The following CNTNAP2 variants were observed in gnomAD, a reference collection of about 807,000 sequenced individuals.
CNTNAP2 encodes the protein contactin associated protein 2.
A neutral mutation model predicts 155.2 loss-of-function variants in CNTNAP2; 98 were observed. That is an observed-to-expected ratio of 0.63 (90% confidence interval 0.54 to 0.75). The LOEUF (loss-of-function observed/expected upper bound fraction) is 0.75, where lower values mean the gene tolerates loss of function less well. Ranked by LOEUF, CNTNAP2 falls within the 30% of genes least tolerant of loss-of-function variation. CNTNAP2 has a pLI of 0.00. For missense variants in CNTNAP2, 1,727 were observed against 1,688.1 expected (o/e 1.02, Z -0.40); for synonymous variants, 651 against 631.2 (o/e 1.03, Z -0.47).
intron 13 of CNTNAP2, among the ~76,000 whole-genome samples, chr7:147,697,043 T>A (rs1796170900): frequency 6.6e-6 from 1 of 152,204 alleles, no homozygotes; most frequent in African/African-American, 2.4e-5. Flanking sequence ...TGTAGTTTGA[T>A]GTCTGCAATA....
chr7:148,231,978 G>A (rs1256878802), intron 20 of CNTNAP2, among the ~76,000 whole-genome samples: 3 of 152,170 alleles, frequency 2.0e-5, no homozygotes, highest in African/African-American at 7.2e-5. Flanking sequence ...TTCCGCCCTA[G>A]GTTCTGCACC....
rs140158937 is a variant in CNTNAP2 at position 147,353,211 on chromosome 7, C to T, written c.1499-42398C>T. 8.7e-3 allele frequency among the ~76,000 whole-genome samples: 1,316 copies of T among 151,508 alleles called. 22 individuals carry two copies. The highest frequency in any genetic ancestry group is 0.031 in the African/African-American group (1,262 of 41,076). ...ATGTTCAGAACGTGCAGTTTTGTTA[C>T]ATAGGTATACACGTGCCATGGTCGT... On this transcript the variant is annotated intron_variant, in intron 9 of 23. Coordinates refer to ENST00000361727, the MANE Select transcript of CNTNAP2 (RefSeq NM_014141.6).
chr7:146,462,697 A>G (rs1796655866), intron 1 of CNTNAP2, among the ~76,000 whole-genome samples: 1 of 152,206 alleles, frequency 6.6e-6, no homozygotes, highest in African/African-American at 2.4e-5. Flanking sequence ...GTCAAAATAT[A>G]TCATTATTAC....
chr7:147,911,105 A>T (rs926565170), intron 14 of CNTNAP2, among the ~76,000 whole-genome samples: 1 of 152,190 alleles, frequency 6.6e-6, no homozygotes, highest in Non-Finnish European at 1.5e-5. Flanking sequence ...CCCATTGAAC[A>T]GTAATTCCCC....
At chr7:148,178,494 C>A (rs1794983818) in intron 18 of CNTNAP2, among the ~76,000 whole-genome samples, 1 of 152,168 alleles carries the variant, frequency 6.6e-6, no homozygotes, top group African/African-American at 2.4e-5. Context: ...AGCTAAGTCT[C>A]CTATTCTCCC....
chr7:147,314,343 T>C (rs975858169), intron 9 of CNTNAP2, among the ~76,000 whole-genome samples: 2 of 152,180 alleles, frequency 1.3e-5, no homozygotes, highest in Non-Finnish European at 2.9e-5. Flanking sequence ...ACATTGTCTT[T>C]AATACTTTTC....
intron 3 of CNTNAP2, among the ~76,000 whole-genome samples, chr7:146,976,439 A>G (rs1797913275): frequency 6.6e-6 from 1 of 152,174 alleles, no homozygotes; most frequent in Non-Finnish European, 1.5e-5. Flanking sequence ...CTGACTGACC[A>G]GCTGTAAGTC....
intron 11 of CNTNAP2, among the ~76,000 whole-genome samples, chr7:147,521,731 G>A (rs1296834766): frequency 6.6e-6 from 1 of 152,178 alleles, no homozygotes; most frequent in African/African-American, 2.4e-5. Context: ...GGAATATAGA[G>A]AGAGGCCCAA....
chr7:146,664,407 C>T (rs12703829), intron 1 of CNTNAP2, among the ~76,000 whole-genome samples: 90,606 of 151,704 alleles, frequency 0.6, 31,099 homozygotes, highest in South Asian at 0.85. Context: ...ACAATCTGCC[C>T]ATCTCAGCCT....
intron 9 of CNTNAP2, among the ~76,000 whole-genome samples, chr7:147,386,217 G>A (rs573585443): frequency 1.3e-5 from 2 of 152,234 alleles, no homozygotes; most frequent in East Asian, 3.9e-4. Context: ...GATGGGAGGG[G>A]CTGCCGCAAA....
intron 4 of CNTNAP2, among the ~76,000 whole-genome samples, chr7:147,082,255 A>C (rs1800149345): frequency 6.6e-6 from 1 of 152,222 alleles, no homozygotes; most frequent in African/African-American, 2.4e-5. Flanking sequence ...TTACCAAAGA[A>C]TAGTTTAGGA....
At chr7:146,829,546 CAATGTT>C (rs1315717514) in intron 2 of CNTNAP2, among the ~76,000 whole-genome samples, 2 of 151,814 alleles carry the variant, frequency 1.3e-5, no homozygotes, top group Admixed American at 1.3e-4. Context: ...ATGCAACTGA[CAATGTT>C]AAGTCGAAAA....
At chr7:146,272,609 A>G (rs1330192117) in intron 1 of CNTNAP2, among the ~76,000 whole-genome samples, 1 of 152,196 alleles carries the variant, frequency 6.6e-6, no homozygotes, top group Non-Finnish European at 1.5e-5. Flanking sequence ...AATTAATCAT[A>G]AAGAAGTAAT....
chr7:147,629,546 A>C (rs933924093), intron 12 of CNTNAP2, among the ~76,000 whole-genome samples: 2 of 151,974 alleles, frequency 1.3e-5, no homozygotes, highest in Admixed American at 6.6e-5. Flanking sequence ...TTCAACACAC[A>C]GAACATTCTC....
chr7:147,524,201 A>G (rs1039922979), intron 11 of CNTNAP2, among the ~76,000 whole-genome samples: 1 of 152,136 alleles, frequency 6.6e-6, no homozygotes, highest in East Asian at 1.9e-4. Flanking sequence ...TGCTATTACT[A>G]TATATGCCCA....
chr7:147,694,785 T>A (rs1315827896), intron 13 of CNTNAP2, among the ~76,000 whole-genome samples: 1 of 152,168 alleles, frequency 6.6e-6, no homozygotes, highest in Admixed American at 6.5e-5. Flanking sequence ...GAACCTGTTT[T>A]CAGTTTTGTT....
At chr7:148,291,201 A>G (rs555493275) in intron 21 of CNTNAP2, among the ~76,000 whole-genome samples, 4 of 151,924 alleles carry the variant, frequency 2.6e-5, no homozygotes, top group Non-Finnish European at 5.9e-5. Flanking sequence ...GTAAATTAGT[A>G]TATGAGAGTT....
At chr7:146,485,382 A>G (rs759755834) in intron 1 of CNTNAP2, among the ~76,000 whole-genome samples, 3 of 152,182 alleles carry the variant, frequency 2.0e-5, no homozygotes, top group Admixed American at 6.6e-5. Flanking sequence ...GTCCACAGCA[A>G]TTCTAAGAAA....
chr7:146,544,945 A>G (rs1798008173), intron 1 of CNTNAP2, among the ~76,000 whole-genome samples: 1 of 151,924 alleles, frequency 6.6e-6, no homozygotes, highest in Admixed American at 6.6e-5. Context: ...AGTTATTTCT[A>G]AGTGTCTGAA....
Sources: gnomAD v4.1 joint callset for allele counts (sites outside exome capture counted in the v4.1 genomes callset) on GRCh38, gnomAD v4.1.1 for gene constraint, MANE v1.5 for transcripts, NCBI Gene and HGNC (gene_info 2026-07-23, HGNC 2026-07-21) for gene names.